NCAM1: variants seen among roughly 807,000 people sequenced by gnomAD.
NCAM1 encodes the protein neural cell adhesion molecule 1.
NCAM1 carries 14 observed loss-of-function variants against 109.8 expected under a neutral mutation model. That is an observed-to-expected ratio of 0.13 (90% CI 0.08 to 0.20). NCAM1 has a LOEUF of 0.20. Ranked by LOEUF, NCAM1 falls within the 10% of genes least tolerant of loss-of-function variation. The pLI is 1.00. For synonymous variants in NCAM1, 418 were observed against 442.9 expected (o/e 0.94, Z 0.70); for missense variants, 774 against 1,109.9 (o/e 0.70, Z 4.30).
At chr11:113,065,999 G>A (rs1162792563) in intron 1 of NCAM1, among the ~76,000 whole-genome samples, 1 of 152,200 alleles carries the variant, frequency 6.6e-6, no homozygotes, top group Non-Finnish European at 1.5e-5. Context: ...TGAAAGAAGT[G>A]TGCGTGTGAA....
chr11:113,223,857 C>G lies in NCAM1; in HGVS notation c.1089+2532C>G, dbSNP rs372600555. 5.3e-5 allele frequency among the ~76,000 whole-genome samples: 8 copies of G among 152,306 alleles called. No individual in the cohort carries two copies. In the East Asian group the frequency reaches 1.5e-3, roughly 29 times the overall value. On this transcript the variant is annotated intron_variant, in intron 9 of 19. Coordinates refer to ENST00000316851, the MANE Select transcript of NCAM1 (RefSeq NM_181351.5). Reference sequence around the variant, plus strand: ...AGGTCAGCACAGCCCTTTAGAGATACCTGCAGGGATGGCCCCATGCTCTTG... The same window carrying G: ...AGGTCAGCACAGCCCTTTAGAGATAGCTGCAGGGATGGCCCCATGCTCTTG...
chr11:113,019,364 C>G (rs1952315087), intron 1 of NCAM1, among the ~76,000 whole-genome samples: 1 of 152,204 alleles, frequency 6.6e-6, no homozygotes, highest in Non-Finnish European at 1.5e-5. Flanking sequence ...CAATAGCCTT[C>G]CGAGGAGCTC....
At chr11:112,979,234 A>C (rs183768347) in intron 1 of NCAM1, among the ~76,000 whole-genome samples, 2,100 of 151,660 alleles carry the variant, frequency 0.014, 31 homozygotes, top group South Asian at 0.036. Context: ...AAAAGAAAAA[A>C]AAACAAACAA....
chr11:113,147,357 A>T (rs1555101498), intron 1 of NCAM1, among the ~76,000 whole-genome samples: 1 of 152,252 alleles, frequency 6.6e-6, no homozygotes, highest in Non-Finnish European at 1.5e-5. Flanking sequence ...TTGCTTGAGG[A>T]TAAAACAAAA....
intron 1 of NCAM1, among the ~76,000 whole-genome samples, chr11:113,034,271 T>C (rs1257119544): frequency 1.3e-5 from 2 of 148,372 alleles, no homozygotes; most frequent in African/African-American, 5.0e-5. Context: ...TTGAGGACAA[T>C]AGACTTTTTT....
chr11:113,227,301 C>T, intron 9 of NCAM1, among the ~76,000 whole-genome samples: 1 of 151,592 alleles, frequency 6.6e-6, no homozygotes, highest in African/African-American at 2.4e-5. Context: ...ATACTATAAA[C>T]ACCTCTATGC....
chr11:113,231,881 G>A, intron 10 of NCAM1, 86 bp downstream of exon 10: 2 of 1,525,164 alleles, frequency 1.3e-6, no homozygotes, highest in Admixed American at 1.7e-5. Context: ...AAGGACCTAT[G>A]TGCACCCTGT....
At chr11:113,251,166 A>G (rs1467375933) in intron 15 of NCAM1, among the ~76,000 whole-genome samples, 1 of 152,216 alleles carries the variant, frequency 6.6e-6, no homozygotes, top group African/African-American at 2.4e-5. Flanking sequence ...AGACACAGCT[A>G]ACTCTTGGTG....
At chr11:113,099,783 G>A (rs1939785214) in intron 1 of NCAM1, among the ~76,000 whole-genome samples, 1 of 152,134 alleles carries the variant, frequency 6.6e-6, no homozygotes, top group African/African-American at 2.4e-5. Context: ...CCGCCTCCTG[G>A]GTTCAAGCAA....
At chr11:113,265,316 A>C (rs181724739) in intron 17 of NCAM1, 4 of 306,148 alleles carry the variant, frequency 1.3e-5, no homozygotes, top group Admixed American at 6.5e-5. Context: ...TAGCCTGGTG[A>C]ATGAAATACT....
chr11:113,106,574 T>G (rs986022102), intron 1 of NCAM1, among the ~76,000 whole-genome samples: 1 of 152,230 alleles, frequency 6.6e-6, no homozygotes, highest in African/African-American at 2.4e-5. Context: ...TATATCTGCT[T>G]CCACTAAGAC....
intron 1 of NCAM1, among the ~76,000 whole-genome samples, chr11:112,968,271 C>T (rs1322708539): frequency 2.0e-5 from 3 of 151,974 alleles, no homozygotes; most frequent in African/African-American, 7.3e-5. Context: ...TTGTCACTGC[C>T]GATATTCTTG....
At chr11:113,209,957 G>A (rs527746485) in intron 7 of NCAM1, among the ~76,000 whole-genome samples, 163 of 152,310 alleles carry the variant, frequency 1.1e-3, no homozygotes, top group Non-Finnish European at 2.0e-3. Context: ...CAGGCACAGA[G>A]GCAGGAAAAG....
chr11:113,052,595 G>A (rs1435571699), intron 1 of NCAM1, among the ~76,000 whole-genome samples: 2 of 152,160 alleles, frequency 1.3e-5, no homozygotes, highest in African/African-American at 2.4e-5. Context: ...CTTGATGATG[G>A]AAGTAGTTTC....
chr11:113,250,506 T>A (rs1352962847), intron 15 of NCAM1, among the ~76,000 whole-genome samples: 1 of 152,218 alleles, frequency 6.6e-6, no homozygotes, highest in Non-Finnish European at 1.5e-5. Flanking sequence ...CATATTTGAA[T>A]AGCTAAATCA....
Position 112,961,430 on chromosome 11 carries a change from C to G in NCAM1, c.-183C>G, listed in dbSNP as rs782325149. 6.6e-6 allele frequency: 5 copies of G among 762,298 alleles called. No homozygotes were observed. The highest frequency in any genetic ancestry group is 1.2e-5 in the Non-Finnish European group (5 of 410,856). 47.2% of individuals were successfully genotyped at this position (762,298 alleles called of 1,614,324 possible). A position where few individuals can be genotyped will look rare whatever the true frequency, so the allele number is the denominator to read the frequency against. ...GAGGCTGGGACTGTCACTCATTCTC[C>G]GATCAGCGCGTGAACGCAGCTCGGC... On this transcript the variant is annotated 5_prime_UTR_variant, in exon 1 of 20. Coordinates refer to ENST00000316851, the MANE Select transcript of NCAM1 (RefSeq NM_181351.5).
At chr11:113,271,583 T>C (rs1199435547) in intron 18 of NCAM1, among the ~76,000 whole-genome samples, 177 bp from the exon 19 acceptor site, 4 of 152,054 alleles carry the variant, frequency 2.6e-5, no homozygotes, top group Non-Finnish European at 4.4e-5. Context: ...GGCAGGGTGA[T>C]TAAATCTGAA....
intron 1 of NCAM1, among the ~76,000 whole-genome samples, chr11:113,152,025 C>A (rs1318162846): frequency 6.6e-6 from 1 of 152,118 alleles, no homozygotes; most frequent in South Asian, 2.1e-4. Context: ...TGTGACACAC[C>A]TAGAATGGGT....
chr11:113,089,254 C>T (rs985109897), intron 1 of NCAM1, among the ~76,000 whole-genome samples: 12 of 151,966 alleles, frequency 7.9e-5, no homozygotes, highest in East Asian at 5.8e-4. Flanking sequence ...CGGAGGTTGC[C>T]GAGATCGCGC....
Sources: gnomAD v4.1 joint callset for allele counts (sites outside exome capture counted in the v4.1 genomes callset) on GRCh38, gnomAD v4.1.1 for gene constraint, MANE v1.5 for transcripts, NCBI Gene and HGNC (gene_info 2026-07-23, HGNC 2026-07-21) for gene names.